Variants in DNAH14 observed in about 807,000 individuals in gnomAD.
The protein encoded by DNAH14 is axonemal beta dynein heavy chain 14.
DNAH14 carries 478 observed loss-of-function variants against 520.9 expected under a neutral mutation model. The observed-to-expected ratio is 0.92, with a 90% CI of 0.85 to 0.99. The LOEUF (loss-of-function observed/expected upper bound fraction) is 0.99, where lower values mean the gene tolerates loss of function less well. Ranked by LOEUF, DNAH14 falls within the 50% of genes least tolerant of loss-of-function variation. The pLI is 0.00. For synonymous variants in DNAH14, 1,581 were observed against 1,757.2 expected (o/e 0.90, Z 2.51); for missense variants, 4,831 against 5,234.5 (o/e 0.92, Z 2.38).
chr1:225,224,112 G>T (rs1216919578), intron 41 of DNAH14, among the ~76,000 whole-genome samples: 1 of 151,938 alleles, frequency 6.6e-6, no homozygotes, highest in Non-Finnish European at 1.5e-5. Context: ...ATGATTATCA[G>T]ACATTACTGG....
chr1:225,019,212 AG>A (rs1482200470), intron 10 of DNAH14, among the ~76,000 whole-genome samples: 1 of 149,338 alleles, frequency 6.7e-6, no homozygotes, highest in Non-Finnish European at 1.5e-5. Flanking sequence ...CTCAAAGTAA[AG>A]GGTTAGAGAA....
intron 17 of DNAH14, among the ~76,000 whole-genome samples, chr1:225,052,195 A>G (rs2068603394): frequency 6.6e-6 from 1 of 152,166 alleles, no homozygotes; most frequent in South Asian, 2.1e-4. Flanking sequence ...AATACAGATG[A>G]ATATTGGAGT....
intron 27 of DNAH14, among the ~76,000 whole-genome samples, chr1:225,137,476 C>A (rs894656013): frequency 6.6e-6 from 1 of 152,160 alleles, no homozygotes. Context: ...CTGCCTCAGC[C>A]TCCTGAGTAG....
At chr1:224,978,673 C>A (rs985035710) in intron 8 of DNAH14, among the ~76,000 whole-genome samples, 1 of 152,222 alleles carries the variant, frequency 6.6e-6, no homozygotes, top group Admixed American at 6.5e-5. Flanking sequence ...CAGAGTCTCA[C>A]TCTTGCCCAG....
chr1:225,371,044 G>A (rs1266713770), intron 77 of DNAH14, among the ~76,000 whole-genome samples: 2 of 152,128 alleles, frequency 1.3e-5, no homozygotes, highest in Admixed American at 1.3e-4. Context: ...AATTCACTCT[G>A]AACGTTAAGA....
At chr1:225,376,542 A>G (rs2095704227) in intron 78 of DNAH14, among the ~76,000 whole-genome samples, 1 of 152,272 alleles carries the variant, frequency 6.6e-6, no homozygotes, top group South Asian at 2.1e-4. Flanking sequence ...ACTGTAACAT[A>G]CAGCATACAA....
chr1:224,997,816 C>T (rs2063494534), intron 8 of DNAH14, among the ~76,000 whole-genome samples: 1 of 151,584 alleles, frequency 6.6e-6, no homozygotes, highest in African/African-American at 2.4e-5. Context: ...ATGATGAGTT[C>T]ATGTCCTTTG....
intron 77 of DNAH14, 36 bp from the exon 78 acceptor site, chr1:225,374,652 A>T: frequency 6.7e-7 from 1 of 1,485,846 alleles, no homozygotes; most frequent in Non-Finnish European, 9.1e-7. Flanking sequence ...CTGGAAACAC[A>T]TACTGAAATA....
chr1:225,114,293 G>A (rs1045029417), intron 23 of DNAH14, among the ~76,000 whole-genome samples: 1 of 152,056 alleles, frequency 6.6e-6, no homozygotes, highest in Non-Finnish European at 1.5e-5. Flanking sequence ...AAGATCTAGG[G>A]CCTAGAATGG....
rs1282911608 is a variant in DNAH14 at position 225,399,193 on chromosome 1, A to AT, written c.13781dup (p.Leu4594PhefsTer8). 118 of 1,551,648 alleles carry AT rather than the reference A, an allele frequency of 7.6e-5. No homozygotes were observed. Among genetic ancestry groups the AT allele is most frequent in the Non-Finnish European group, 9.9e-5 (113 of 1,146,998 alleles). Reference sequence around the variant, plus strand: ...CCAACAAACTTTTTAACATCAGTGTATTTATCAACGAAGAAACCTCCTAGT... The same window carrying AT: ...CCAACAAACTTTTTAACATCAGTGTATTTTATCAACGAAGAAACCTCCTAGT... On this transcript the variant is annotated frameshift_variant, in exon 86 of 86. Transcript: ENST00000682510. LOFTEE classifies it high-confidence loss of function.
chr1:225,089,529 AT>A (rs1558921818), intron 21 of DNAH14, among the ~76,000 whole-genome samples: 1 of 151,700 alleles, frequency 6.6e-6, no homozygotes, highest in African/African-American at 2.4e-5. Flanking sequence ...TATTTAAAAA[AT>A]TTTTAAAAAC....
chr1:225,346,763 G>T (rs1462859291), intron 71 of DNAH14, 109 bp downstream of exon 71: 5 of 785,706 alleles, frequency 6.4e-6, no homozygotes, highest in African/African-American at 3.6e-5. Flanking sequence ...AGTAAAAGTA[G>T]CTTGAGGTCA....
intron 21 of DNAH14, 25 bp downstream of exon 21, chr1:225,085,814 T>C (rs2073698747): frequency 2.0e-6 from 3 of 1,491,016 alleles, no homozygotes; most frequent in Non-Finnish European, 2.7e-6. Flanking sequence ...AAAGGAAAAA[T>C]GTTTTCTTTT....
At chr1:225,303,046 C>A in intron 56 of DNAH14, 110 bp from the exon 57 acceptor site, 1 of 833,162 alleles carries the variant, frequency 1.2e-6, no homozygotes, top group Non-Finnish European at 1.8e-6. Flanking sequence ...AGTCCCTGAT[C>A]TACCCACTAA....
chr1:225,164,825 T>G (rs1559148815), intron 35 of DNAH14, among the ~76,000 whole-genome samples: 1 of 152,194 alleles, frequency 6.6e-6, no homozygotes, highest in Non-Finnish European at 1.5e-5. Context: ...CTATGTAGAA[T>G]TATAATTCCT....
In DNAH14 at chr1:224,964,564, G is replaced by T; in HGVS notation, c.453G>T (p.Leu151Phe). The change falls in exon 5 of 86, where the codon TTG (leucine) becomes TTT (phenylalanine). Residue 151 changes from leucine to phenylalanine, a missense_variant. By Grantham distance (22) the Leu-to-Phe change is conservative. Transcript: ENST00000682510. Reference sequence around the variant, plus strand: ...AAACTATATTACCGCAGCACAGTTTGAAATACGGAAGCTCCAAAATTGCAA... The same window carrying T: ...AAACTATATTACCGCAGCACAGTTTTAAATACGGAAGCTCCAAAATTGCAA... The part of the protein sequence containing the change: ...GWQTILPQHS[L>F]KYGSSKIAIQ... 1 of 1,605,002 alleles carries T rather than the reference G, an allele frequency of 6.2e-7. No individual in the cohort carries two copies. The highest frequency in any genetic ancestry group is 8.5e-7 in the Non-Finnish European group (1 of 1,174,882).
chr1:225,080,848 C>T, intron 19 of DNAH14, 100 bp downstream of exon 19: 1 of 1,269,446 alleles, frequency 7.9e-7, no homozygotes, highest in Non-Finnish European at 1.1e-6. Context: ...TACCCATTCT[C>T]AGGTTGACCA....
chr1:225,379,797 T>C (rs2095756613), intron 79 of DNAH14, among the ~76,000 whole-genome samples: 1 of 152,206 alleles, frequency 6.6e-6, no homozygotes, highest in African/African-American at 2.4e-5. Flanking sequence ...ATTGCAGGGA[T>C]TACAGGCATG....
intron 23 of DNAH14, among the ~76,000 whole-genome samples, chr1:225,108,909 G>A (rs2148805326): frequency 6.6e-6 from 1 of 152,276 alleles, no homozygotes; most frequent in East Asian, 1.9e-4. Context: ...AAAGATAGGA[G>A]TCTAGTTTTA....
Sources: allele counts gnomAD v4.1 joint callset (sites outside exome capture counted in the v4.1 genomes callset), GRCh38; gene constraint gnomAD v4.1.1; transcripts MANE v1.5; gene names NCBI Gene and HGNC (gene_info 2026-07-23, HGNC 2026-07-21).